The following SLC8A1 variants were observed in gnomAD, a reference collection of about 807,000 sequenced individuals.
SLC8A1 encodes the protein sodium/calcium exchanger 1.
Under a neutral mutation model 68.3 loss-of-function variants are expected in SLC8A1, and 18 were observed. The ratio of observed to expected loss-of-function variants is 0.26; its 90% CI spans 0.18 to 0.39. The LOEUF (loss-of-function observed/expected upper bound fraction) is 0.39, where lower values mean the gene tolerates loss of function less well. Ranked by LOEUF, SLC8A1 falls within the 10% of genes least tolerant of loss-of-function variation. The probability of loss-of-function intolerance (pLI) is 1.00; values close to 1 mark genes in which losing one functional copy is unlikely to be tolerated. For missense variants in SLC8A1, 985 were observed against 1,156.7 expected (o/e 0.85, Z 2.15); for synonymous variants, 475 against 415.5 (o/e 1.14, Z -1.74).
At chr2:40,133,400 G>A (rs4989894) in intron 7 of SLC8A1, among the ~76,000 whole-genome samples, 59,332 of 150,090 alleles carry the variant, frequency 0.4, 12,220 homozygotes, top group East Asian at 0.62. Flanking sequence ...TTGGGGGGGG[G>A]GGGGGTGGAA....
intron 2 of SLC8A1, among the ~76,000 whole-genome samples, chr2:40,404,149 C>T (rs1488910665): frequency 2.6e-5 from 4 of 152,090 alleles, no homozygotes; most frequent in Non-Finnish European, 5.9e-5. Context: ...TCTACCTCAG[C>T]CTCCAAAGTA....
chr2:40,223,511 A>T (rs2058607255), intron 2 of SLC8A1: 2 of 152,120 alleles, frequency 1.3e-5, no homozygotes, highest in African/African-American at 2.4e-5. Flanking sequence ...AACTTAAAGT[A>T]TATATTAAAA....
intron 2 of SLC8A1, among the ~76,000 whole-genome samples, chr2:40,384,097 C>CA (rs767655793): frequency 4.9e-4 from 71 of 145,780 alleles, no homozygotes; most frequent in East Asian, 3.1e-3. Flanking sequence ...CCCATCTCTA[C>CA]AGTTTTTTTT....
At chr2:40,309,375 T>C (rs1047448825) in intron 2 of SLC8A1, among the ~76,000 whole-genome samples, 2 of 152,066 alleles carry the variant, frequency 1.3e-5, no homozygotes, top group African/African-American at 4.8e-5. Context: ...GGCGCACAGA[T>C]AAAAAGGATA....
chr2:40,114,632 C>A (rs1041743079), exon 8 of SLC8A1: 2 of 152,740 alleles, frequency 1.3e-5, no homozygotes, highest in Admixed American at 1.3e-4. Context: ...TGGCTCCATT[C>A]CACTTTTATG....
At chr2:40,494,298 AAG>A (rs1278855288) in intron 1 of SLC8A1, among the ~76,000 whole-genome samples, 4 of 152,048 alleles carry the variant, frequency 2.6e-5, no homozygotes, top group African/African-American at 9.7e-5. Context: ...CTGGCTTCCA[AAG>A]AGGAAACACA....
At chr2:40,119,256 TTG>T (rs2036233356) in intron 7 of SLC8A1, among the ~76,000 whole-genome samples, 2 of 152,174 alleles carry the variant, frequency 1.3e-5, no homozygotes, top group Non-Finnish European at 2.9e-5. Flanking sequence ...TTTGGCTACT[TTG>T]TGTCTCATAG....
chr2:40,428,780 A>T (rs1437187811), exon 2 of SLC8A1: 1 of 1,613,858 alleles, frequency 6.2e-7, no homozygotes, highest in Admixed American at 1.7e-5. Context: ...GCTTCAGAAG[A>T]TACTTTGACA....
chr2:40,341,357 T>A (rs553293658), intron 2 of SLC8A1, among the ~76,000 whole-genome samples: 1 of 152,308 alleles, frequency 6.6e-6, no homozygotes, highest in Admixed American at 6.5e-5. Flanking sequence ...ACAGCTGTCT[T>A]CTAACTTGGC....
chr2:40,309,502 C>CTTTTTT (rs34863585), intron 2 of SLC8A1, among the ~76,000 whole-genome samples: 16 of 123,262 alleles, frequency 1.3e-4, no homozygotes, highest in East Asian at 2.4e-4. Flanking sequence ...GAATATTTTA[C>CTTTTTT]TTTTTTTTTT....
intron 1 of SLC8A1, among the ~76,000 whole-genome samples, chr2:40,510,463 A>T (rs760529119): frequency 2.6e-5 from 4 of 152,212 alleles, no homozygotes; most frequent in Non-Finnish European, 4.4e-5. Flanking sequence ...ATAGTAGCTG[A>T]TATCATATAT....
chr2:40,313,537 G>C (rs1361565493), intron 2 of SLC8A1, among the ~76,000 whole-genome samples: 1 of 151,750 alleles, frequency 6.6e-6, no homozygotes, highest in Non-Finnish European at 1.5e-5. Flanking sequence ...GTTGAGTTTG[G>C]GTTCCTCCAT....
intron 2 of SLC8A1, among the ~76,000 whole-genome samples, chr2:40,373,358 G>C (rs1279006748): frequency 6.6e-6 from 1 of 152,032 alleles, no homozygotes; most frequent in African/African-American, 2.4e-5. Context: ...TTCAAAAATA[G>C]ATCATCACAG....
At position 40,234,354 on chromosome 2, in the gene SLC8A1, T is replaced by C. The variant is rs575852236; in HGVS notation, c.1809-56499A>G. ...GGATTCCTAGGTATTTTATTCTCTT[T>C]GAAGCAATTGTGAATGGGAGTTCAC... is the stretch of plus-strand genomic sequence containing the variant. On this transcript the variant is annotated intron_variant, in intron 2 of 7. Transcript: ENST00000406785. Among the ~76,000 whole-genome samples the C allele has an allele frequency of 1.3e-3, 196 of 152,084 alleles. 1 individual carries two copies. The highest frequency in any genetic ancestry group is 4.6e-3 in the African/African-American group (191 of 41,402).
intron 1 of SLC8A1, among the ~76,000 whole-genome samples, chr2:40,494,648 T>TATATAA (rs1705560810): frequency 3.2e-5 from 1 of 31,204 alleles, no homozygotes; most frequent in African/African-American, 6.5e-5. Flanking sequence ...ATAATATATA[T>TATATAA]ATATATATAT....
intron 2 of SLC8A1, among the ~76,000 whole-genome samples, chr2:40,399,928 T>C (rs1009695340): frequency 2.6e-5 from 4 of 152,232 alleles, no homozygotes; most frequent in Non-Finnish European, 4.4e-5. Context: ...ACCCTGGGCC[T>C]GGTCGTTAAA....
intron 2 of SLC8A1, among the ~76,000 whole-genome samples, chr2:40,180,651 C>T (rs1288718449): frequency 6.6e-6 from 1 of 152,180 alleles, no homozygotes; most frequent in African/African-American, 2.4e-5. Context: ...AACTGAAACC[C>T]CTCATTGTGA....
intron 2 of SLC8A1, chr2:40,254,544 CTT>C (rs1367163965): frequency 9.1e-5 from 13 of 143,510 alleles, no homozygotes; most frequent in Admixed American, 8.8e-4. Flanking sequence ...GAATTAGTCT[CTT>C]GAACTCTTGA....
intron 2 of SLC8A1, among the ~76,000 whole-genome samples, chr2:40,211,468 C>T (rs1404707080): frequency 6.6e-6 from 1 of 152,074 alleles, no homozygotes; most frequent in African/African-American, 2.4e-5. Flanking sequence ...AAGTGATAGT[C>T]ATTATGTGGA....
Sources: allele counts gnomAD v4.1 joint callset (sites outside exome capture counted in the v4.1 genomes callset), GRCh38; gene constraint gnomAD v4.1.1; transcripts MANE v1.5; gene names NCBI Gene and HGNC (gene_info 2026-07-23, HGNC 2026-07-21).